POTEJ: variants seen among roughly 807,000 people sequenced by gnomAD.
POTEJ encodes POTE ankyrin domain family member J, also known as POTE ankyrin domain family, member J.
Under a neutral mutation model 69.0 loss-of-function variants are expected in POTEJ, and 11 were observed. That is an observed-to-expected ratio of 0.16 (90% CI 0.10 to 0.26). POTEJ has a LOEUF of 0.26. Among genes scored for constraint, POTEJ ranks in the 10% least tolerant of loss-of-function variants. The pLI is 1.00. For synonymous variants in POTEJ, 117 were observed against 381.1 expected, an observed-to-expected ratio of 0.31 and a Z score of 8.07; for missense variants, 327 against 1,045.5, an observed-to-expected ratio of 0.31 and a Z score of 9.48.
chr2:130,647,244 C>A (rs967135496), intron 13 of POTEJ, among the ~76,000 whole-genome samples: 5 of 151,222 alleles, frequency 3.3e-5, no homozygotes, highest in Admixed American at 3.3e-4. Flanking sequence ...TGTTAAAATT[C>A]TTGTAATATC....
At chr2:130,650,306 C>T (rs1171555912) in intron 13 of POTEJ, among the ~76,000 whole-genome samples, 1 of 152,388 alleles carries the variant, frequency 6.6e-6, no homozygotes, top group East Asian at 1.9e-4. Flanking sequence ...ACTTTCCCAC[C>T]ACCCTTCCCA....
At chr2:130,613,251 T>C (rs1354947219) in intron 1 of POTEJ, among the ~76,000 whole-genome samples, 2 of 126,804 alleles carry the variant, frequency 1.6e-5, no homozygotes, top group Non-Finnish European at 3.5e-5. Flanking sequence ...TATACATATA[T>C]ATACACATAT....
At chr2:130,644,592 C>G (rs1322326951) in intron 11 of POTEJ, among the ~76,000 whole-genome samples, 42 of 152,006 alleles carry the variant, frequency 2.8e-4, no homozygotes, top group Non-Finnish European at 4.3e-4. Context: ...CAACATAACC[C>G]ACTATAAAAT....
Position 130,656,832 on chromosome 2 carries a change from G to C in POTEJ, c.2072G>C (p.Arg691Pro). 5 of 1,601,382 alleles carry C rather than the reference G, an allele frequency of 3.1e-6. No homozygotes were observed. The South Asian group carries it at 5.5e-5, about 18-fold the overall frequency. Reference sequence around the variant, plus strand: ...GGCTTTGCGGGCGACGATGCCCCCCGGGCTGTCTTCCCTTCCATCGTGGGG... The same window carrying C: ...GGCTTTGCGGGCGACGATGCCCCCCCGGCTGTCTTCCCTTCCATCGTGGGG... ...KAGFAGDDAP[R>P]AVFPSIVGCP... is the part of the protein sequence containing the mutation. The change falls in exon 15 of 15, where the codon CGG becomes CCG. Residue 691 changes from arginine to proline, a missense_variant. Coordinates refer to ENST00000409602, the MANE Select transcript of POTEJ (RefSeq NM_001277083.2).
chr2:130,613,422 G>A (rs1234539092), intron 1 of POTEJ, among the ~76,000 whole-genome samples: 1 of 104,814 alleles, frequency 9.5e-6, no homozygotes, highest in Non-Finnish European at 1.9e-5. Flanking sequence ...TTTTTTTTTT[G>A]GTGGAGTCTC....
At chr2:130,652,018 T>C (rs1194593835) in intron 13 of POTEJ, among the ~76,000 whole-genome samples, 2 of 134,444 alleles carry the variant, frequency 1.5e-5, no homozygotes, top group East Asian at 4.1e-4. Context: ...GCAAATCTCA[T>C]GTCAAATTGT....
rs766525244 is a variant in POTEJ, at chr2:130,657,106, G to A, written c.2346G>A (p.Met782Ile). The change falls in exon 15 of 15, where the codon ATG (methionine) becomes ATA (isoleucine). Residue 782 changes from methionine to isoleucine, a missense_variant. Coordinates refer to ENST00000409602, the MANE Select transcript of POTEJ (RefSeq NM_001277083.2). ...ACCCCAAGGCCAACCGCGAGAAGAT[G>A]ACCCAGATCATGTTTGAGACCTTCA... ...PLNPKANREK[M>I]TQIMFETFNT... 1.0e-5 allele frequency: 16 copies of A among 1,574,034 alleles called. No individual in the cohort carries two copies. Among genetic ancestry groups the A allele is most frequent in the Non-Finnish European group, 1.4e-5 (16 of 1,152,708 alleles).
chr2:130,614,305 A>G (rs1222232199), intron 1 of POTEJ, among the ~76,000 whole-genome samples: 2 of 151,884 alleles, frequency 1.3e-5, no homozygotes, highest in Non-Finnish European at 2.9e-5. Flanking sequence ...GGTAAGAACT[A>G]CATTTTAAAA....
chr2:130,612,583 ACCCTGTCT>A lies in POTEJ; in HGVS notation c.410+643_410+650del, dbSNP rs1685251163. On this transcript the variant is annotated intron_variant, in intron 1 of 14. Coordinates refer to ENST00000409602, the MANE Select transcript of POTEJ (RefSeq NM_001277083.2). Reference sequence around the variant, plus strand: ...AGACCATCCTGGCTAACACGGTGAAACCCTGTCTCTACTAAAAATTATAAAAAAAATTA... The same window carrying A: ...AGACCATCCTGGCTAACACGGTGAAACTACTAAAAATTATAAAAAAAATTA... Among the ~76,000 whole-genome samples the A allele has an allele frequency of 2.6e-5, 4 of 152,310 alleles. No individual in the cohort carries two copies. The South Asian group carries it at 8.3e-4, about 32-fold the overall frequency.
intron 6 of POTEJ, among the ~76,000 whole-genome samples, chr2:130,627,260 A>T (rs1164948035): frequency 0.011 from 1,652 of 149,366 alleles, no homozygotes; most frequent in African/African-American, 0.039. Flanking sequence ...GCATCCTACT[A>T]GTTTGACTCT....
intron 3 of POTEJ, among the ~76,000 whole-genome samples, chr2:130,618,915 ATTTTATTTT>A (rs1308098422): frequency 5.2e-4 from 60 of 115,932 alleles, no homozygotes; most frequent in African/African-American, 3.4e-4. Context: ...TTTTTATTTT[ATTTTATTTT>A]TTTTATTTTT....
In POTEJ at chr2:130,656,542, TA is replaced by T. The variant is rs1427867092; in HGVS notation, c.1789-6del. 2 of 1,608,024 alleles carry T rather than the reference TA, an allele frequency of 1.2e-6. No individual in the cohort carries two copies. The highest frequency in any genetic ancestry group is 4.5e-5 in the East Asian group (2 of 44,896). On this transcript the variant is annotated splice_region_variant and splice_polypyrimidine_tract_variant and intron_variant, in intron 14 of 14. Coordinates refer to ENST00000409602, the MANE Select transcript of POTEJ (RefSeq NM_001277083.2). ...GTGCTAACTAAAAGTTCTCTTTGTTTACTTAGCTTTCTCTTAGTTGTAAGAA... is the reference window on the plus strand; with the variant it reads ...GTGCTAACTAAAAGTTCTCTTTGTTTCTTAGCTTTCTCTTAGTTGTAAGAA...
chr2:130,613,275 CATATGTATATAT>C (rs1685287966), intron 1 of POTEJ, among the ~76,000 whole-genome samples: 1 of 54,094 alleles, frequency 1.8e-5, no homozygotes, highest in African/African-American at 2.4e-4. Context: ...CATATATATA[CATATGTATATAT>C]ACATATATAT....
chr2:130,641,812 G>C (rs1361443577), intron 10 of POTEJ, among the ~76,000 whole-genome samples: 1 of 152,220 alleles, frequency 6.6e-6, no homozygotes, highest in African/African-American at 2.4e-5. Context: ...TTGACTCTCA[G>C]TAATAAGACT....
chr2:130,624,765 G>A (rs1451815517), intron 6 of POTEJ, among the ~76,000 whole-genome samples: 3 of 152,034 alleles, frequency 2.0e-5, no homozygotes, highest in East Asian at 3.8e-4. Flanking sequence ...TGAAGCACAA[G>A]TCATGTTACA....
chr2:130,644,507 T>A (rs1686514485), intron 11 of POTEJ, among the ~76,000 whole-genome samples: 1 of 152,266 alleles, frequency 6.6e-6, no homozygotes, highest in Admixed American at 6.5e-5. Flanking sequence ...ATTCTTAAAA[T>A]TTATTGTAAT....
chr2:130,629,485 T>A (rs2105220105), intron 6 of POTEJ, among the ~76,000 whole-genome samples: 1 of 140,770 alleles, frequency 7.1e-6, no homozygotes, highest in South Asian at 2.1e-4. Flanking sequence ...CTGTGGGATG[T>A]CTGGAGCCCA....
chr2:130,624,946 A>G (rs1685649150), intron 6 of POTEJ, among the ~76,000 whole-genome samples: 1 of 152,026 alleles, frequency 6.6e-6, no homozygotes, highest in Non-Finnish European at 1.5e-5. Context: ...CATTTGCCAA[A>G]AGATTGTCAT....
intron 10 of POTEJ, among the ~76,000 whole-genome samples, chr2:130,641,151 A>G (rs1368009815): frequency 5.3e-5 from 8 of 151,990 alleles, no homozygotes; most frequent in Non-Finnish European, 1.2e-4. Context: ...CTTTATTTAC[A>G]AAACCATAAT....
Sources: allele counts gnomAD v4.1 joint callset (sites outside exome capture counted in the v4.1 genomes callset), GRCh38; gene constraint gnomAD v4.1.1; transcripts MANE v1.5; gene names NCBI Gene and HGNC (gene_info 2026-07-23, HGNC 2026-07-21).